The following OCA2 variants were observed in gnomAD, a reference collection of about 807,000 sequenced individuals.
OCA2 encodes P protein.
In OCA2, 77 loss-of-function variants were observed where a neutral mutation model predicts 100.2. That is an observed-to-expected ratio of 0.77 (90% confidence interval 0.64 to 0.93). OCA2 has a LOEUF of 0.93. Ranked by LOEUF, OCA2 falls within the 40% of genes least tolerant of loss-of-function variation. The pLI is 0.00. For synonymous variants in OCA2, 432 were observed against 439.2 expected (o/e 0.98, Z 0.21); for missense variants, 1,062 against 1,089.1 (o/e 0.98, Z 0.35).
intron 2 of OCA2, among the ~76,000 whole-genome samples, chr15:28,060,964 G>A (rs939865156): frequency 8.5e-5 from 13 of 152,196 alleles, no homozygotes; most frequent in East Asian, 7.7e-4. Flanking sequence ...TCTCCTGGGC[G>A]TTTGCCACAA....
chr15:27,771,160 A>C (rs1595382945), intron 23 of OCA2, among the ~76,000 whole-genome samples: 2 of 120,656 alleles, frequency 1.7e-5, no homozygotes. Context: ...TTGCAGCGAC[A>C]CCCCCTTGGC....
chr15:27,731,310 ATTAG>A, the OCA2 span, among the ~76,000 whole-genome samples: 1,115 of 152,330 alleles, frequency 7.3e-3, 14 homozygotes, highest in African/African-American at 0.025. Flanking sequence ...TATAGTACTT[ATTAG>A]TTCTCAGTGA....
At chr15:28,010,231 A>T (rs1303388389) in intron 9 of OCA2, among the ~76,000 whole-genome samples, 1 of 152,226 alleles carries the variant, frequency 6.6e-6, no homozygotes, top group East Asian at 1.9e-4. Context: ...TACATTAGGA[A>T]AAGAATTTCC....
At chr15:27,822,166 T>C (rs2034533879) in intron 23 of OCA2, among the ~76,000 whole-genome samples, 1 of 152,164 alleles carries the variant, frequency 6.6e-6, no homozygotes. Flanking sequence ...ATAATATCAC[T>C]AGAACCCAGA....
At chr15:27,949,198 G>C (rs913107096) in intron 18 of OCA2, among the ~76,000 whole-genome samples, 1 of 152,192 alleles carries the variant, frequency 6.6e-6, no homozygotes, top group Non-Finnish European at 1.5e-5. Context: ...TTATATGACA[G>C]CACCCTATGT....
intron 17 of OCA2, among the ~76,000 whole-genome samples, 177 bp from the exon 18 acceptor site, chr15:27,952,069 A>G (rs2040050019): frequency 1.3e-5 from 2 of 152,226 alleles, no homozygotes; most frequent in Non-Finnish European, 2.9e-5. Context: ...CAGATTCAGG[A>G]TTACTGCATT....
At chr15:28,014,972 G>A in intron 8 of OCA2, 43 bp from the exon 9 acceptor site, 1 of 1,601,584 alleles carries the variant, frequency 6.2e-7, no homozygotes, top group Non-Finnish European at 8.5e-7. Context: ...AAGGTCAACA[G>A]TTAGGGGACC....
chr15:27,781,671 T>C (rs2032547043), intron 23 of OCA2, among the ~76,000 whole-genome samples: 1 of 152,182 alleles, frequency 6.6e-6, no homozygotes, highest in African/African-American at 2.4e-5. Flanking sequence ...CATTTTACTG[T>C]CTAATATGCT....
chr15:27,997,124 G>A (rs370489334), intron 9 of OCA2, among the ~76,000 whole-genome samples: 149 of 55,610 alleles, frequency 2.7e-3, no homozygotes, highest in Non-Finnish European at 8.6e-3. Context: ...AGGAAGGAAG[G>A]AAGGAAGAAG....
intron 9 of OCA2, among the ~76,000 whole-genome samples, chr15:27,998,183 A>C (rs34772346): frequency 0.73 from 62,483 of 86,034 alleles, 25,216 homozygotes; most frequent in African/African-American, 0.84. Flanking sequence ...GCAACAAAAG[A>C]CAAAATTGAC....
chr15:27,859,478 A>T (rs2036055400), intron 21 of OCA2, among the ~76,000 whole-genome samples: 1 of 152,222 alleles, frequency 6.6e-6, no homozygotes, highest in Non-Finnish European at 1.5e-5. Context: ...TCATGAAAAA[A>T]TAGAATATTT....
the OCA2 span, among the ~76,000 whole-genome samples, chr15:27,722,956 C>G: frequency 1.3e-5 from 2 of 151,914 alleles, no homozygotes; most frequent in African/African-American, 4.8e-5. Flanking sequence ...ATTCTCCTGC[C>G]TCAGCCTCCC....
intron 21 of OCA2, among the ~76,000 whole-genome samples, chr15:27,870,508 G>A (rs975146707): frequency 6.6e-6 from 1 of 152,176 alleles, no homozygotes; most frequent in African/African-American, 2.4e-5. Flanking sequence ...TCTTCGATGT[G>A]TACTTCCAAT....
In OCA2 at chr15:27,892,533, T is replaced by A. The variant is rs60007375; in HGVS notation, c.2080-20611A>T. Among the ~76,000 whole-genome samples, 1,841 of 120,650 alleles carry A rather than the reference T, an allele frequency of 0.015. 74 individuals are homozygous for A. In the East Asian group the frequency reaches 0.16, roughly 10 times the overall value. 79.2% of individuals were successfully genotyped at this position (120,650 alleles called of 152,430 possible). A position where few individuals can be genotyped will look rare whatever the true frequency, so the allele number is the denominator to read the frequency against. ...TGAATTTTAATGAAAATGCAACACA[T>A]AGAAACATATAGGGTGCAACCGAAA... On this transcript the variant is annotated intron_variant, in intron 19 of 23. Coordinates refer to ENST00000354638, the MANE Select transcript of OCA2 (RefSeq NM_000275.3).
chr15:27,742,363 G>C, the OCA2 span, among the ~76,000 whole-genome samples: 1 of 152,176 alleles, frequency 6.6e-6, no homozygotes, highest in Non-Finnish European at 1.5e-5. Context: ...TATGCTTGGG[G>C]AAAGGTCAGT....
At chr15:27,722,842 C>T in the OCA2 span, among the ~76,000 whole-genome samples, 1 of 147,174 alleles carries the variant, frequency 6.8e-6, no homozygotes, top group African/African-American at 2.5e-5. Context: ...TTCTCTCTTT[C>T]TCTCTTTCTT....
At chr15:27,928,891 T>C (rs1427443721) in intron 18 of OCA2, among the ~76,000 whole-genome samples, 1 of 152,194 alleles carries the variant, frequency 6.6e-6, no homozygotes, top group East Asian at 1.9e-4. Flanking sequence ...GTTTATAACC[T>C]AAATCCACCT....
intron 4 of OCA2, among the ~76,000 whole-genome samples, chr15:28,027,138 A>G (rs906439145): frequency 2.0e-5 from 3 of 152,226 alleles, no homozygotes; most frequent in Admixed American, 2.0e-4. Context: ...GAGGAAACCC[A>G]TTAGATAAAT....
At chr15:28,063,514 C>T (rs1478141671) in intron 2 of OCA2, among the ~76,000 whole-genome samples, 1 of 152,010 alleles carries the variant, frequency 6.6e-6, no homozygotes, top group Non-Finnish European at 1.5e-5. Context: ...TCTTTGAAGT[C>T]AAATAGATAT....
Sources: gnomAD v4.1 joint callset for allele counts (sites outside exome capture counted in the v4.1 genomes callset) on GRCh38, gnomAD v4.1.1 for gene constraint, MANE v1.5 for transcripts, NCBI Gene and HGNC (gene_info 2026-07-23, HGNC 2026-07-21) for gene names.